FARP1: variants seen among roughly 807,000 people sequenced by gnomAD.
FARP1 encodes the protein FERM, ARHGEF and pleckstrin domain-containing protein 1.
In FARP1, 52 loss-of-function variants were observed where a neutral mutation model predicts 128.8. The observed-to-expected ratio is 0.40, with a 90% CI of 0.32 to 0.51. FARP1 has a LOEUF of 0.51. Ranked by LOEUF, FARP1 falls within the 20% of genes least tolerant of loss-of-function variation. The pLI, the probability that FARP1 is intolerant of heterozygous loss-of-function variation, is 0.45. For synonymous variants in FARP1, 580 were observed against 551.8 expected (o/e 1.05, Z -0.72); for missense variants, 1,333 against 1,367.9 (o/e 0.97, Z 0.40).
At chr13:98,254,034 C>T (rs893366243) in intron 2 of FARP1, among the ~76,000 whole-genome samples, 3 of 152,176 alleles carry the variant, frequency 2.0e-5, no homozygotes, top group Non-Finnish European at 2.9e-5. Flanking sequence ...ACTTCTGATG[C>T]ATGTGATCAT....
chr13:98,418,140 T>A (rs1164557476), intron 16 of FARP1, among the ~76,000 whole-genome samples: 1 of 152,232 alleles, frequency 6.6e-6, no homozygotes, highest in African/African-American at 2.4e-5. Flanking sequence ...GCCTTGAACT[T>A]CTGGCTTCAA....
Position 98,410,749 on chromosome 13 carries a change from A to G in FARP1, c.1618A>G (p.Lys540Glu), listed in dbSNP as rs559534005. 171 of 1,599,700 alleles carry G rather than the reference A, an allele frequency of 1.1e-4. 2 individuals carry two copies. The South Asian group carries it at 1.8e-3, about 17-fold the overall frequency. The part of the protein sequence containing the change: ...EGRRKRFPTD[K>E]AYFIAKEVST... Reference sequence around the variant, plus strand: ...GGTTTTGCAGAGATTCCCAACTGATAAAGCGTACTTCATAGCTAAGGAAGT... The same window carrying G: ...GGTTTTGCAGAGATTCCCAACTGATGAAGCGTACTTCATAGCTAAGGAAGT... Residue 540 changes from lysine to glutamate, a missense_variant, in exon 15 of 27, where the codon AAA becomes GAA. Coordinates refer to ENST00000319562, the MANE Select transcript of FARP1 (RefSeq NM_005766.4).
Position 98,440,808 on chromosome 13 carries a change from C to T in FARP1, c.2768C>T (p.Ser923Phe). Residue 923 changes from serine (S) to phenylalanine (F), a missense_variant, in exon 24 of 27, where the codon TCC (serine) becomes TTC (phenylalanine). Around this residue, in one of 2 missense-constraint regions of FARP1, gnomAD observed 1,009 missense variants for 969.8 expected, o/e 1.04. Transcript: ENST00000319562. ...TGCTGGCACCGCAACACCAGCGTCT[C>T]CATGGTGGACTTCAGCATCGCAGTG... is the stretch of plus-strand genomic sequence containing the variant. ...HVCWHRNTSV[S>F]MVDFSIAVEN... is the part of the protein sequence containing the mutation. 6.2e-7 allele frequency: 1 copy of T among 1,611,360 alleles called. No homozygotes were observed. Among genetic ancestry groups the T allele is most frequent in the Non-Finnish European group, 8.5e-7 (1 of 1,179,342 alleles).
intron 13 of FARP1, chr13:98,395,915 C>T (rs1890521818): frequency 2.5e-6 from 1 of 399,588 alleles, no homozygotes; most frequent in Non-Finnish European, 4.4e-6. Context: ...TGGGACAGAA[C>T]TGGGTCTCAA....
chr13:98,224,042 C>T (rs1330135680), intron 2 of FARP1, among the ~76,000 whole-genome samples: 2 of 152,188 alleles, frequency 1.3e-5, no homozygotes, highest in African/African-American at 4.8e-5. Context: ...TTTCTGCCAG[C>T]AAACAGAACT....
intron 2 of FARP1, among the ~76,000 whole-genome samples, chr13:98,314,078 C>T (rs1045498676): frequency 5.3e-5 from 8 of 151,920 alleles, no homozygotes; most frequent in East Asian, 1.9e-4. Context: ...GGGAGAAGAA[C>T]GTGTGTGCGG....
chr13:98,277,148 A>ACACACACCC (rs372627844), intron 2 of FARP1, among the ~76,000 whole-genome samples: 13 of 138,656 alleles, frequency 9.4e-5, no homozygotes, highest in South Asian at 2.3e-4. Context: ...ACACACACAC[A>ACACACACCC]CCCCATATGT....
intron 17 of FARP1, among the ~76,000 whole-genome samples, chr13:98,429,574 A>G (rs1267464144): frequency 6.6e-6 from 1 of 152,242 alleles, no homozygotes; most frequent in Non-Finnish European, 1.5e-5. Context: ...ATACAAGGAA[A>G]GAATGTGGAG....
intron 1 of FARP1, among the ~76,000 whole-genome samples, chr13:98,202,386 A>G (rs1399201775): frequency 6.6e-6 from 1 of 152,230 alleles, no homozygotes; most frequent in African/African-American, 2.4e-5. Context: ...GGGGCACAGA[A>G]GTGGTTGGAG....
chr13:98,347,907 C>A (rs1357457132), intron 3 of FARP1, among the ~76,000 whole-genome samples: 1 of 152,128 alleles, frequency 6.6e-6, no homozygotes, highest in Non-Finnish European at 1.5e-5. Flanking sequence ...AAGCACCTGG[C>A]ATGTCAGGTT....
intron 1 of FARP1, among the ~76,000 whole-genome samples, chr13:98,154,091 T>C (rs1157205241): frequency 3.3e-5 from 5 of 152,234 alleles, no homozygotes; most frequent in African/African-American, 9.6e-5. Flanking sequence ...CTAATGTCTT[T>C]GTGATTCCAA....
At chr13:98,293,666 G>C (rs1594367796) in intron 2 of FARP1, among the ~76,000 whole-genome samples, 1 of 152,196 alleles carries the variant, frequency 6.6e-6, no homozygotes, top group East Asian at 1.9e-4. Context: ...TCCTGAATGT[G>C]TGTGGAAGTA....
intron 3 of FARP1, among the ~76,000 whole-genome samples, chr13:98,350,130 C>A (rs187055439): frequency 6.6e-6 from 1 of 152,146 alleles, no homozygotes; most frequent in Admixed American, 6.5e-5. Flanking sequence ...GGTCACCTCG[C>A]GGGGCAGCAC....
chr13:98,170,340 T>G (rs181282012), intron 1 of FARP1, among the ~76,000 whole-genome samples: 8 of 146,578 alleles, frequency 5.5e-5, no homozygotes, highest in Admixed American at 6.7e-5. Flanking sequence ...TGCGCCACCA[T>G]GCCTGGCTAA....
chr13:98,335,953 T>TC (rs1887723391), intron 2 of FARP1, among the ~76,000 whole-genome samples: 1 of 152,134 alleles, frequency 6.6e-6, no homozygotes, highest in Non-Finnish European at 1.5e-5. Flanking sequence ...ATGAAACACT[T>TC]CCCAAAACGG....
At chr13:98,318,708 C>CA (rs755174252) in intron 2 of FARP1, among the ~76,000 whole-genome samples, 1 of 152,212 alleles carries the variant, frequency 6.6e-6, no homozygotes, top group Non-Finnish European at 1.5e-5. Flanking sequence ...GCCACCACCC[C>CA]ACCCAGCAGT....
intron 19 of FARP1, chr13:98,436,146 A>G (rs1221368066): frequency 4.6e-6 from 1 of 217,550 alleles, no homozygotes; most frequent in African/African-American, 2.4e-5. Context: ...TCTTCCATAT[A>G]TAATTTAATT....
At chr13:98,250,403 A>G (rs1456787694) in intron 2 of FARP1, among the ~76,000 whole-genome samples, 1 of 152,216 alleles carries the variant, frequency 6.6e-6, no homozygotes, top group Non-Finnish European at 1.5e-5. Flanking sequence ...AAGAGGCTAT[A>G]AAAAGTGTAA....
At chr13:98,179,528 G>A (rs1461427011) in intron 1 of FARP1, among the ~76,000 whole-genome samples, 2 of 152,148 alleles carry the variant, frequency 1.3e-5, no homozygotes, top group Admixed American at 1.3e-4. Context: ...GATAAGAGCT[G>A]TAGAAGTGGG....
Sources: gnomAD v4.1 joint callset for allele counts (sites outside exome capture counted in the v4.1 genomes callset) on GRCh38, gnomAD v4.1.1 for gene constraint, gnomAD v4.1.1 regional missense constraint, MANE v1.5 for transcripts, NCBI Gene and HGNC (gene_info 2026-07-23, HGNC 2026-07-21) for gene names.